BABAM1: variants seen among roughly 807,000 people sequenced by gnomAD.
BABAM1 encodes the protein BRISC and BRCA1 A complex member 1.
BABAM1 carries 14 observed loss-of-function variants against 34.4 expected under a neutral mutation model. That is an observed-to-expected ratio of 0.41 (90% CI 0.27 to 0.64). The LOEUF (loss-of-function observed/expected upper bound fraction) is 0.64, where lower values mean the gene tolerates loss of function less well. BABAM1 is among the 30% of genes least tolerant of loss of function. The pLI is 0.34. For missense variants in BABAM1, 393 were observed against 434.0 expected, an observed-to-expected ratio of 0.91 and a Z score of 0.84; for synonymous variants, 169 against 165.8, an observed-to-expected ratio of 1.02 and a Z score of -0.15.
At chr19:17,276,647 A>C in intron 7 of BABAM1, 23 bp downstream of exon 7, 1 of 1,591,792 alleles carries the variant, frequency 6.3e-7, no homozygotes. Context: ...TGGGAGAGGG[A>C]GGGGTGCCTG....
intron 1 of BABAM1, among the ~76,000 whole-genome samples, chr19:17,268,119 T>G (rs534182040): frequency 5.1e-4 from 77 of 152,206 alleles, no homozygotes; most frequent in African/African-American, 1.7e-3. Context: ...TTTTCCTTGA[T>G]GACACTGCTA....
intron 5 of BABAM1, 70 bp from the exon 6 acceptor site, chr19:17,275,731 G>A (rs756558569): frequency 8.7e-6 from 14 of 1,601,724 alleles, no homozygotes; most frequent in African/African-American, 4.0e-5. Context: ...CTCTGGTATC[G>A]GGATCGGGGA....
chr19:17,278,540 A>G (rs1399134228), intron 8 of BABAM1, among the ~76,000 whole-genome samples: 1 of 151,276 alleles, frequency 6.6e-6, no homozygotes, highest in Non-Finnish European at 1.5e-5. Flanking sequence ...TGATCTCCTG[A>G]CCTTGTGATC....
At position 17,278,872 on chromosome 19, in the gene BABAM1, G is replaced by C; in HGVS notation, c.814G>C (p.Asp272His). 1.2e-6 allele frequency: 2 copies of C among 1,613,382 alleles called. No homozygotes were observed. The highest frequency in any genetic ancestry group is 1.7e-6 in the Non-Finnish European group (2 of 1,179,738). ...KDMFAFMGSL[D>H]TKGTSYKYEV... ...TATGTTTGCCTTCATGGGCAGCCTG[G>C]ATACCAAGGGTACCAGCTACAAGTA... Residue 272 changes from aspartate (D) to histidine (H), a missense_variant, in exon 9 of 9, where the codon GAT becomes CAT. Coordinates refer to ENST00000598188, the MANE Select transcript of BABAM1 (RefSeq NM_014173.4).
At chr19:17,268,508 G>A (rs1484411622) in intron 1 of BABAM1, 3 of 197,754 alleles carry the variant, frequency 1.5e-5, no homozygotes, top group African/African-American at 2.5e-5. Context: ...TCGGCTCACC[G>A]CAGCCTCCCC....
At chr19:17,274,267 G>A (rs969353354) in intron 5 of BABAM1, 82 bp downstream of exon 5, 3 of 1,529,590 alleles carry the variant, frequency 2.0e-6, no homozygotes, top group African/African-American at 2.7e-5. Context: ...TCTAAGTCAT[G>A]ACTCTGGCTG....
chr19:17,275,900 A>G (rs2073902670), intron 6 of BABAM1, 75 bp downstream of exon 6: 5 of 1,526,084 alleles, frequency 3.3e-6, no homozygotes, highest in Non-Finnish European at 4.5e-6. Context: ...TCCAAACGGC[A>G]CAGAAGTAAT....
chr19:17,278,886 C>T lies in BABAM1; in HGVS notation c.828C>T (p.Thr276=). ...TGGGCAGCCTGGATACCAAGGGTACCAGCTACAAGTATGAGGTGGCACTGG... is the reference window on the plus strand; with the variant it reads ...TGGGCAGCCTGGATACCAAGGGTACTAGCTACAAGTATGAGGTGGCACTGG... The part of the protein sequence containing the change: ...AFMGSLDTKG[T]SYKYEVALAG... The change falls in exon 9 of 9, where the codon ACC becomes ACT. Residue 276 remains threonine, a synonymous_variant. Coordinates refer to ENST00000598188, the MANE Select transcript of BABAM1 (RefSeq NM_014173.4). 6.2e-7 allele frequency: 1 copy of T among 1,613,588 alleles called. No homozygotes were observed.
intron 6 of BABAM1, 32 bp downstream of exon 6, chr19:17,275,857 C>T (rs2073902244): frequency 6.2e-7 from 1 of 1,605,080 alleles, no homozygotes; most frequent in African/African-American, 1.3e-5. Context: ...TCTTATTCAC[C>T]TTCAAAGAGA....
chr19:17,268,274 A>T (rs1417858585), intron 1 of BABAM1, among the ~76,000 whole-genome samples: 2 of 151,640 alleles, frequency 1.3e-5, no homozygotes, highest in African/African-American at 2.4e-5. Flanking sequence ...AAAGAGGAAA[A>T]AAGAGGGGGG....
intron 1 of BABAM1, among the ~76,000 whole-genome samples, chr19:17,268,382 C>A: frequency 6.6e-6 from 1 of 151,256 alleles, no homozygotes; most frequent in South Asian, 2.1e-4. Context: ...AGTGACTCAT[C>A]ATCAGTAAGC....
chr19:17,272,061 C>T (rs1355324503), intron 3 of BABAM1, among the ~76,000 whole-genome samples: 2 of 152,108 alleles, frequency 1.3e-5, no homozygotes, highest in African/African-American at 4.8e-5. Flanking sequence ...GTGCCTCATC[C>T]TCCCGAGTAC....
At chr19:17,271,757 G>T in intron 3 of BABAM1, 102 bp downstream of exon 3, 1 of 1,334,934 alleles carries the variant, frequency 7.5e-7, no homozygotes. Flanking sequence ...AGCTTGGTCT[G>T]GCTTCAGGCT....
In BABAM1 at chr19:17,279,161, T is replaced by C. The variant is rs1043556440; in HGVS notation, c.*113T>C. The C allele has an allele frequency of 2.1e-5, 24 of 1,130,374 alleles. No individual in the cohort carries two copies. The highest frequency in any genetic ancestry group is 2.6e-5 in the Non-Finnish European group (21 of 797,656). The allele number at this position is 1,130,374 out of a possible 1,614,324, so 70.0% of individuals were successfully genotyped here. A position where few individuals can be genotyped will look rare whatever the true frequency, so the allele number is the denominator to read the frequency against. The stretch of plus-strand genomic sequence containing the variant: ...GGGTGGGGGGGTTCCAGGAGGCACG[T>C]AGGGTACCTTGCAGGGTCCTAGGAG... On this transcript the variant is annotated 3_prime_UTR_variant, in exon 9 of 9. Transcript: ENST00000598188.
intron 6 of BABAM1, 51 bp downstream of exon 6, chr19:17,275,876 T>C: frequency 6.3e-7 from 1 of 1,590,780 alleles, no homozygotes; most frequent in Non-Finnish European, 8.6e-7. Flanking sequence ...GAAGGGTCAC[T>C]TCTGGGAAAA....
Position 17,279,191 on chromosome 19 carries a change from AC to A in BABAM1, c.*146del. 2.5e-6 allele frequency: 2 copies of A among 806,262 alleles called. No individual in the cohort carries two copies. Among genetic ancestry groups the A allele is most frequent in the Non-Finnish European group, 1.9e-6 (1 of 531,634 alleles). 49.9% of individuals were successfully genotyped at this position (806,262 alleles called of 1,614,324 possible). ...TACCTTGCAGGGTCCTAGGAGGGAA[AC>A]CCAGGATTCCAGGAGGGATCCCAGG... On this transcript the variant is annotated 3_prime_UTR_variant, in exon 9 of 9. Transcript: ENST00000598188.
At position 17,273,966 on chromosome 19, in the gene BABAM1, A is replaced by C; in HGVS notation, c.407A>C (p.His136Pro). 6.2e-7 allele frequency: 1 copy of C among 1,613,808 alleles called. No homozygotes were observed. Among genetic ancestry groups the C allele is most frequent in the Non-Finnish European group, 8.5e-7 (1 of 1,179,830 alleles). Residue 136 changes from histidine (H) to proline (P), a missense_variant, in exon 4 of 9, where the codon CAC becomes CCC. Physicochemically the swap from His to Pro is moderately conservative, Grantham distance 77. Transcript: ENST00000598188. ...ATTGAGATGTTCGTGCGGACAAAAC[A>C]CAAGATCGACAAAAGCCACGAGTTT... is the stretch of plus-strand genomic sequence containing the variant. ...KMIEMFVRTKHKIDKSHEFAL... is the reference protein window; with the variant it reads ...KMIEMFVRTKPKIDKSHEFAL...
chr19:17,276,978 G>T, intron 8 of BABAM1, 69 bp downstream of exon 8: 2 of 1,401,586 alleles, frequency 1.4e-6, no homozygotes, highest in Non-Finnish European at 2.0e-6. Context: ...CACCTGCACT[G>T]GGTCTGGGGG....
At chr19:17,275,537 G>A (rs566956203) in intron 5 of BABAM1, among the ~76,000 whole-genome samples, 4 of 151,588 alleles carry the variant, frequency 2.6e-5, no homozygotes, top group African/African-American at 4.8e-5. Flanking sequence ...TGGTCCACCC[G>A]CCTTGGCCTC....
Sources: allele counts gnomAD v4.1 joint callset (sites outside exome capture counted in the v4.1 genomes callset), GRCh38; gene constraint gnomAD v4.1.1; transcripts MANE v1.5; gene names NCBI Gene and HGNC (gene_info 2026-07-23, HGNC 2026-07-21).